The following SAMD12 variants were observed in gnomAD, a reference collection of about 807,000 sequenced individuals.
SAMD12 encodes sterile alpha motif domain-containing protein 12.
A neutral mutation model predicts 15.0 loss-of-function variants in SAMD12; 9 were observed. That is an observed-to-expected ratio of 0.60 (90% CI 0.36 to 1.05). SAMD12 has a LOEUF of 1.05. Among genes scored for constraint, SAMD12 ranks in the 50% least tolerant of loss-of-function variants. The pLI, the probability that SAMD12 is intolerant of heterozygous loss-of-function variation, is 0.01. For synonymous variants in SAMD12, 86 were observed against 90.1 expected, an observed-to-expected ratio of 0.96 and a Z score of 0.25; for missense variants, 230 against 234.2, an observed-to-expected ratio of 0.98 and a Z score of 0.12.
At chr8:118,534,437 C>T (rs1317148999) in intron 2 of SAMD12, among the ~76,000 whole-genome samples, 9 of 152,082 alleles carry the variant, frequency 5.9e-5, no homozygotes, top group African/African-American at 1.7e-4. Context: ...TTGCTCTTCT[C>T]GAGGAGTATC....
chr8:118,527,786 T>C (rs1307466595), intron 2 of SAMD12, among the ~76,000 whole-genome samples: 1 of 152,218 alleles, frequency 6.6e-6, no homozygotes, highest in Non-Finnish European at 1.5e-5. Context: ...ATTAGGGATA[T>C]CTGCTGAAGC....
At chr8:118,535,653 G>A (rs948423011) in intron 2 of SAMD12, among the ~76,000 whole-genome samples, 6 of 152,170 alleles carry the variant, frequency 3.9e-5, no homozygotes, top group Non-Finnish European at 8.8e-5. Context: ...AATGGCGGGC[G>A]CCCCTCCCCC....
Position 118,455,695 on chromosome 8 carries a change from A to T in SAMD12, c.193-15734T>A, listed in dbSNP as rs1028834925. On this transcript the variant is annotated intron_variant, in intron 2 of 3. Coordinates refer to ENST00000314727, the MANE Select transcript of SAMD12 (RefSeq NM_207506.3). Reference sequence around the variant, plus strand: ...GGCTGTCCAACAAACAGAACTTTCAAACTTAACACGCTCAAAACAAAATTC... The same window carrying T: ...GGCTGTCCAACAAACAGAACTTTCATACTTAACACGCTCAAAACAAAATTC... Among the ~76,000 whole-genome samples, 4 of 152,298 alleles carry T rather than the reference A, an allele frequency of 2.6e-5. 1 individual carries two copies. Among genetic ancestry groups the T allele is most frequent in the Admixed American group, 2.6e-4 (4 of 15,304 alleles).
chr8:118,491,866 T>C (rs1824450839), intron 2 of SAMD12, among the ~76,000 whole-genome samples: 1 of 152,178 alleles, frequency 6.6e-6, no homozygotes, highest in Admixed American at 6.5e-5. Context: ...ATATGAATTG[T>C]TTACATTTTG....
the SAMD12 span, among the ~76,000 whole-genome samples, chr8:118,146,740 A>G: frequency 6.6e-6 from 1 of 152,170 alleles, no homozygotes; most frequent in African/African-American, 2.4e-5. Context: ...CAGAACAAAA[A>G]ACTGACGAGC....
At chr8:118,495,554 CT>C (rs10671753) in intron 2 of SAMD12, among the ~76,000 whole-genome samples, 7,852 of 145,024 alleles carry the variant, frequency 0.054, 263 homozygotes, top group South Asian at 0.11. Context: ...TTCATGTAGG[CT>C]TTTTTTTTTT....
chr8:118,470,801 C>T (rs1368705143), intron 2 of SAMD12, among the ~76,000 whole-genome samples: 1 of 152,196 alleles, frequency 6.6e-6, no homozygotes, highest in Non-Finnish European at 1.5e-5. Context: ...TCAGCATTTG[C>T]TCCCTCTAAA....
At chr8:118,348,749 A>C (rs191385609) in intron 4 of SAMD12, among the ~76,000 whole-genome samples, 3 of 152,338 alleles carry the variant, frequency 2.0e-5, no homozygotes, top group African/African-American at 7.2e-5. Flanking sequence ...CGTGCTATGA[A>C]TCACAGGAAG....
chr8:118,228,812 AT>A (rs1396272536), intron 4 of SAMD12, among the ~76,000 whole-genome samples: 9 of 152,192 alleles, frequency 5.9e-5, no homozygotes, highest in African/African-American at 2.2e-4. Flanking sequence ...AAAAAAAGTC[AT>A]TATTCGAAAA....
intron 4 of SAMD12, among the ~76,000 whole-genome samples, chr8:118,318,036 A>G (rs1816008206): frequency 6.6e-6 from 1 of 152,086 alleles, no homozygotes; most frequent in Non-Finnish European, 1.5e-5. Context: ...ATTATTAAAA[A>G]GTCAAAAAAC....
chr8:118,266,405 T>C (rs1239328327), intron 4 of SAMD12, among the ~76,000 whole-genome samples: 1 of 152,138 alleles, frequency 6.6e-6, no homozygotes, highest in African/African-American at 2.4e-5. Context: ...TGTAAATTAG[T>C]ACAACCAGTA....
chr8:118,532,315 G>C (rs567383935), intron 2 of SAMD12, among the ~76,000 whole-genome samples: 1 of 152,252 alleles, frequency 6.6e-6, no homozygotes, highest in African/African-American at 2.4e-5. Context: ...TAAGCTTTTC[G>C]ATATGCTCCT....
intron 2 of SAMD12, among the ~76,000 whole-genome samples, chr8:118,486,168 A>C (rs1407989620): frequency 6.6e-6 from 1 of 152,192 alleles, no homozygotes; most frequent in Non-Finnish European, 1.5e-5. Context: ...TAATCCCAGC[A>C]CTTTGGGAGG....
intron 1 of SAMD12, among the ~76,000 whole-genome samples, chr8:118,586,618 C>T (rs141479778): frequency 6.6e-6 from 1 of 152,186 alleles, no homozygotes; most frequent in East Asian, 1.9e-4. Context: ...CCTGGGAACA[C>T]AAGCATCAGC....
chr8:118,269,420 T>C (rs1036379384), intron 4 of SAMD12, among the ~76,000 whole-genome samples: 24 of 152,282 alleles, frequency 1.6e-4, no homozygotes, highest in African/African-American at 5.8e-4. Context: ...ATTTGTAACT[T>C]ATATGTGAAG....
intron 4 of SAMD12, among the ~76,000 whole-genome samples, chr8:118,270,418 C>T (rs570679875): frequency 6.6e-6 from 1 of 152,220 alleles, no homozygotes; most frequent in East Asian, 1.9e-4. Flanking sequence ...TATATATTTC[C>T]ATTTCCTGAA....
At chr8:118,439,490 A>G (rs1368885881) in intron 3 of SAMD12, among the ~76,000 whole-genome samples, 1 of 152,200 alleles carries the variant, frequency 6.6e-6, no homozygotes, top group Non-Finnish European at 1.5e-5. Flanking sequence ...TACTTGGAAG[A>G]TCTACATAGT....
chr8:118,479,153 C>T (rs1387605878), intron 2 of SAMD12, among the ~76,000 whole-genome samples: 1 of 151,534 alleles, frequency 6.6e-6, no homozygotes, highest in East Asian at 1.9e-4. Flanking sequence ...CTGATCACAT[C>T]TCCTACCACT....
chr8:118,320,678 G>GGC (rs1554631049), intron 4 of SAMD12, among the ~76,000 whole-genome samples: 3 of 147,368 alleles, frequency 2.0e-5, no homozygotes, highest in Non-Finnish European at 4.5e-5. Flanking sequence ...GGGGTGGGGG[G>GGC]GGTGGGGAGG....
Sources: gnomAD v4.1 joint callset for allele counts (sites outside exome capture counted in the v4.1 genomes callset) on GRCh38, gnomAD v4.1.1 for gene constraint, MANE v1.5 for transcripts, NCBI Gene and HGNC (gene_info 2026-07-23, HGNC 2026-07-21) for gene names.